Variants in LRP2BP observed in about 807,000 individuals in gnomAD.
LRP2BP encodes LRP2 binding protein.
Under a neutral mutation model 45.2 loss-of-function variants are expected in LRP2BP, and 38 were observed. The ratio of observed to expected loss-of-function variants is 0.84; its 90% confidence interval spans 0.65 to 1.10. The LOEUF (loss-of-function observed/expected upper bound fraction) is 1.10. LRP2BP is among the 50% of genes least tolerant of loss of function. The pLI, the probability that LRP2BP is intolerant of heterozygous loss-of-function variation, is 0.00. For synonymous variants in LRP2BP, 153 were observed against 153.9 expected (o/e 0.99, Z 0.04); for missense variants, 385 against 418.9 (o/e 0.92, Z 0.71).
chr4:185,388,968 TG>T (rs1227456689), intron 1 of LRP2BP, among the ~76,000 whole-genome samples: 2 of 151,964 alleles, frequency 1.3e-5, no homozygotes, highest in African/African-American at 4.8e-5. Context: ...CTCCGCCTCC[TG>T]GATTCAAGCA....
At chr4:185,377,285 G>T in intron 2 of LRP2BP, 1 of 346,912 alleles carries the variant, frequency 2.9e-6, no homozygotes, top group Non-Finnish European at 5.4e-6. Flanking sequence ...CTGGGAGGCC[G>T]AGGCGGGTGG....
rs138237178 is a variant in LRP2BP, at chr4:185,386,108, C to T, written c.-21-7901G>A. Among the ~76,000 whole-genome samples the T allele has an allele frequency of 7.0e-3, 1,061 of 152,250 alleles. 37 individuals are homozygous for T. The highest frequency in any genetic ancestry group is 0.062 in the Admixed American group (951 of 15,276). ...AACAAAACAAAGAGTCGTGGTATCA[C>T]CATTATTATGCAGTCACATTTGAGA... is the stretch of plus-strand genomic sequence containing the variant. On this transcript the variant is annotated intron_variant, in intron 1 of 8. Coordinates refer to ENST00000505916, the MANE Select transcript of LRP2BP (RefSeq NM_001377440.1).
At chr4:185,374,101 T>C in intron 6 of LRP2BP, 34 bp downstream of exon 6, 5 of 1,541,884 alleles carry the variant, frequency 3.2e-6, no homozygotes, top group Non-Finnish European at 4.5e-6. Context: ...TTAATCTAAA[T>C]ATAACACTAG....
At chr4:185,371,540 TAAAAAAAAAA>T (rs11288148) in intron 7 of LRP2BP, among the ~76,000 whole-genome samples, 9 of 78,300 alleles carry the variant, frequency 1.1e-4, no homozygotes, top group African/African-American at 1.9e-4. Context: ...AGACTCCGTC[TAAAAAAAAAA>T]AAAAAAAAAA....
chr4:185,380,748 G>A (rs888562873), intron 1 of LRP2BP, among the ~76,000 whole-genome samples: 1 of 152,008 alleles, frequency 6.6e-6, no homozygotes, highest in Non-Finnish European at 1.5e-5. Context: ...CTCTTCAGAG[G>A]CCCCAATCTA....
At position 185,378,129 on chromosome 4, in the gene LRP2BP, A is replaced by G; in HGVS notation, c.58T>C (p.Tyr20His). The change falls in exon 2 of 9, where the codon TAT becomes CAT. Residue 20 changes from tyrosine (Y) to histidine (H), a missense_variant. Transcript: ENST00000505916. ...KNPFYASVSQ[Y>H]AAKNQKFFQW... ...AAAAATTTTTGGTTTTTAGCAGCAT[A>G]CTGAGATACAGAGGCATAAAAGGGG... The G allele has an allele frequency of 6.2e-7, 1 of 1,614,080 alleles. No homozygotes were observed. The highest frequency in any genetic ancestry group is 8.5e-7 in the Non-Finnish European group (1 of 1,179,998).
chr4:185,392,629 T>C (rs1322223103), intron 1 of LRP2BP, among the ~76,000 whole-genome samples: 1 of 152,128 alleles, frequency 6.6e-6, no homozygotes, highest in Non-Finnish European at 1.5e-5. Context: ...AAAAAATCTA[T>C]GGAAATTCCA....
At position 185,374,177 on chromosome 4, in the gene LRP2BP, G is replaced by T; in HGVS notation, c.537C>A (p.Leu179=). ...GCTCCTTGGTTGAGTAATACAGCCC[G>T]AGCATACTTTGAGCCTTCACACTAG... is the stretch of plus-strand genomic sequence containing the variant. The part of the protein sequence containing the change: ...PKASVKAQSM[L]GLYYSTKEPK... Residue 179 remains leucine, a synonymous_variant, in exon 6 of 9, where the codon CTC becomes CTA. Transcript: ENST00000505916. 6.2e-7 allele frequency: 1 copy of T among 1,614,064 alleles called. No individual in the cohort carries two copies. Among genetic ancestry groups the T allele is most frequent in the Non-Finnish European group, 8.5e-7 (1 of 1,180,010 alleles).
intron 1 of LRP2BP, among the ~76,000 whole-genome samples, chr4:185,394,195 G>A (rs149324771): frequency 4.5e-4 from 68 of 150,616 alleles, no homozygotes; most frequent in African/African-American, 1.6e-3. Flanking sequence ...GAAGACGGAG[G>A]TTGCAGTGAG....
chr4:185,374,315 T>TA lies in LRP2BP; in HGVS notation c.473+3_473+4insT. ...AACCTAATCTTGTTCTCAGGTAGGA[T>TA]TACCTTTCAGCTTCCTCATTTGATC... On this transcript the variant is annotated splice_donor_region_variant and intron_variant, in intron 5 of 8. Transcript: ENST00000505916. The TA allele has an allele frequency of 6.2e-7, 1 of 1,614,090 alleles. No individual in the cohort carries two copies. Among genetic ancestry groups the TA allele is most frequent in the African/African-American group, 1.3e-5 (1 of 75,034 alleles).
At chr4:185,383,540 G>T (rs2095461696) in intron 1 of LRP2BP, among the ~76,000 whole-genome samples, 1 of 152,188 alleles carries the variant, frequency 6.6e-6, no homozygotes. Flanking sequence ...TGTGGGTTGT[G>T]TGCCTGTGCA....
intron 1 of LRP2BP, among the ~76,000 whole-genome samples, chr4:185,382,331 C>T (rs530771211): frequency 5.9e-5 from 9 of 152,290 alleles, no homozygotes; most frequent in East Asian, 3.9e-4. Context: ...CAAACGTCTG[C>T]GTACTAGTTT....
rs188630636 is a variant in LRP2BP, at chr4:185,375,664, A to T, written c.279T>A (p.Thr93=). 26 of 1,612,270 alleles carry T rather than the reference A, an allele frequency of 1.6e-5. 1 individual carries two copies. The highest frequency in any genetic ancestry group is 3.3e-4 in the Middle Eastern group (2 of 6,062). ...EEIKEKDHQA[T]YQLGVMYYDG... ...CATAGTACATCACTCCTAGCTGGTA[A>T]GTTGCTTGATGGTCTTTCTCCTTGA... Residue 93 remains threonine (T), a synonymous_variant, in exon 4 of 9, where the codon ACT becomes ACA. Coordinates refer to ENST00000505916, the MANE Select transcript of LRP2BP (RefSeq NM_001377440.1).
At chr4:185,390,721 T>C (rs1377737060) in intron 1 of LRP2BP, 1 of 152,042 alleles carries the variant, frequency 6.6e-6, no homozygotes, top group African/African-American at 2.4e-5. Context: ...AAATGAAGCG[T>C]GTTGGATAAG....
At chr4:185,378,693 G>A (rs910716888) in intron 1 of LRP2BP, 1 of 986,594 alleles carries the variant, frequency 1.0e-6, no homozygotes, top group Non-Finnish European at 1.2e-6. Context: ...CTTCCTGTCT[G>A]TATTGGATTG....
intron 4 of LRP2BP, 126 bp downstream of exon 4, chr4:185,375,487 A>AAAAAAAAATATAAATAT (rs1554018308): frequency 8.3e-5 from 1 of 12,010 alleles, no homozygotes; most frequent in Non-Finnish European, 1.5e-4. Context: ...AAAAAAAAAA[A>AAAAAAAAATATAAATAT]ATATATATAT....
In LRP2BP at chr4:185,370,825, G is replaced by T. The variant is rs2095412288; in HGVS notation, c.804-11C>A. The T allele has an allele frequency of 6.2e-7, 1 of 1,613,608 alleles. No individual in the cohort carries two copies. Among genetic ancestry groups the T allele is most frequent in the African/African-American group, 1.3e-5 (1 of 74,910 alleles). On this transcript the variant is annotated splice_polypyrimidine_tract_variant and intron_variant, in intron 7 of 8. Transcript: ENST00000505916. ...TCATAGTCAGCGATCCTGAGAGGAT[G>T]TAGAGTTGTGAAATGGAAAAGACAT...
intron 7 of LRP2BP, among the ~76,000 whole-genome samples, chr4:185,371,466 C>CA (rs2095415181): frequency 1.3e-5 from 2 of 150,608 alleles, no homozygotes; most frequent in African/African-American, 4.9e-5. Flanking sequence ...GGCGTGAACC[C>CA]GGAAGGCAGA....
rs2095378419 is a variant in LRP2BP, at chr4:185,364,144, A to AT, written c.*3035dup. 6.6e-6 allele frequency: 1 copy of AT among 152,212 alleles called. No individual in the cohort carries two copies. The highest frequency in any genetic ancestry group is 6.5e-5 in the Admixed American group (1 of 15,272). The allele number at this position is 152,212 out of a possible 1,614,324, so 9.4% of individuals were successfully genotyped here. On this transcript the variant is annotated 3_prime_UTR_variant, in exon 9 of 9. Transcript: ENST00000505916. ...ACAAAATAAATCTGTAAAATATATGATTTTTAGTGAGCAGAAAGAGCCAAA... is the reference window on the plus strand; with the variant it reads ...ACAAAATAAATCTGTAAAATATATGATTTTTTAGTGAGCAGAAAGAGCCAAA...
Sources: allele counts gnomAD v4.1 joint callset (sites outside exome capture counted in the v4.1 genomes callset), GRCh38; gene constraint gnomAD v4.1.1; transcripts MANE v1.5; gene names NCBI Gene and HGNC (gene_info 2026-07-23, HGNC 2026-07-21).